The following MAP4K4 variants were observed in gnomAD, a reference collection of about 807,000 sequenced individuals.
MAP4K4 encodes the protein HPK/GCK-like kinase HGK.
Under a neutral mutation model 189.6 loss-of-function variants are expected in MAP4K4, and 38 were observed. That is an observed-to-expected ratio of 0.20 (90% confidence interval 0.15 to 0.26). The LOEUF (loss-of-function observed/expected upper bound fraction) is 0.26, where lower values mean the gene tolerates loss of function less well. MAP4K4 is among the 10% of genes least tolerant of loss of function. MAP4K4 has a pLI of 1.00. For synonymous variants in MAP4K4, 610 were observed against 624.3 expected (o/e 0.98, Z 0.34); for missense variants, 1,054 against 1,726.9 (o/e 0.61, Z 6.91).
chr2:101,881,511 T>G (rs2098389523), intron 27 of MAP4K4, among the ~76,000 whole-genome samples: 1 of 152,220 alleles, frequency 6.6e-6, no homozygotes, highest in South Asian at 2.1e-4. Context: ...CTTGTACCTT[T>G]TATTTCCCTT....
At chr2:101,872,178 T>TG (rs1355034140) in intron 24 of MAP4K4, among the ~76,000 whole-genome samples, 2 of 151,966 alleles carry the variant, frequency 1.3e-5, no homozygotes, top group Admixed American at 6.6e-5. Flanking sequence ...TTTTCTTGTT[T>TG]GGGGGGTGGG....
At chr2:101,817,860 C>T (rs1334508301) in intron 3 of MAP4K4, among the ~76,000 whole-genome samples, 8 of 151,686 alleles carry the variant, frequency 5.3e-5, no homozygotes, top group Non-Finnish European at 8.8e-5. Flanking sequence ...GTAATTTTTC[C>T]GTCAGTTTTT....
intron 2 of MAP4K4, among the ~76,000 whole-genome samples, chr2:101,744,273 T>G (rs2064151547): frequency 6.6e-6 from 1 of 152,236 alleles, no homozygotes; most frequent in African/African-American, 2.4e-5. Context: ...TTAGCCATAC[T>G]GCTATCACTT....
At chr2:101,844,009 T>G (rs1576627338) in intron 11 of MAP4K4, 92 bp from the exon 12 acceptor site, 1 of 794,996 alleles carries the variant, frequency 1.3e-6, no homozygotes, top group Non-Finnish European at 2.1e-6. Flanking sequence ...AGAGAATGAA[T>G]GTAGAAATGG....
intron 12 of MAP4K4, among the ~76,000 whole-genome samples, chr2:101,849,625 C>CTTTT (rs370459029): frequency 5.6e-5 from 8 of 143,450 alleles, no homozygotes; most frequent in African/African-American, 2.1e-4. Flanking sequence ...GTTTTGTGCT[C>CTTTT]TTTTTTTTTT....
rs1342444275 is a variant in MAP4K4, at chr2:101,887,177, T to C, written c.3711T>C (p.Ala1237=). ...TGAAAGTGATCTATGGATCCTGTGC[T>C]GGATTCCATGCTGTTGATGTGGATT... Residue 1237 remains alanine (A), a synonymous_variant, in exon 30 of 33, where the codon GCT becomes GCC. Coordinates refer to ENST00000324219, the Ensembl canonical transcript of MAP4K4. The C allele has an allele frequency of 3.1e-6, 5 of 1,612,490 alleles. No homozygotes were observed. The Admixed American group carries it at 5.0e-5, about 16-fold the overall frequency.
intron 2 of MAP4K4, among the ~76,000 whole-genome samples, chr2:101,703,780 G>C (rs1354666630): frequency 1.8e-4 from 28 of 151,928 alleles, no homozygotes; most frequent in Non-Finnish European, 7.4e-5. Flanking sequence ...TTGGGAGGCC[G>C]AGGCGGGTGG....
At chr2:101,745,919 G>C (rs991462554) in intron 2 of MAP4K4, among the ~76,000 whole-genome samples, 1 of 150,494 alleles carries the variant, frequency 6.6e-6, no homozygotes, top group Non-Finnish European at 1.5e-5. Flanking sequence ...CTCTGCCGTG[G>C]TTGATATCTG....
intron 2 of MAP4K4, among the ~76,000 whole-genome samples, chr2:101,775,916 A>C (rs1290864650): frequency 6.6e-6 from 1 of 152,202 alleles, no homozygotes; most frequent in African/African-American, 2.4e-5. Flanking sequence ...GGTGTCTGCT[A>C]CTTGGGCTTC....
chr2:101,784,421 C>G (rs939854935), intron 2 of MAP4K4, among the ~76,000 whole-genome samples: 2 of 152,060 alleles, frequency 1.3e-5, no homozygotes, highest in Non-Finnish European at 2.9e-5. Flanking sequence ...CTTCAGGTTA[C>G]TGAGATGTGC....
At chr2:101,846,233 A>T (rs1043155599) in intron 12 of MAP4K4, among the ~76,000 whole-genome samples, 1 of 152,222 alleles carries the variant, frequency 6.6e-6, no homozygotes, top group Non-Finnish European at 1.5e-5. Flanking sequence ...TTTGAACGTA[A>T]TAAATCTTGA....
chr2:101,728,769 G>A lies in MAP4K4; in HGVS notation c.123+30231G>A, dbSNP rs116315740. Among the ~76,000 whole-genome samples the A allele has an allele frequency of 8.3e-3, 1,260 of 152,208 alleles. 17 individuals are homozygous for A. Among genetic ancestry groups the A allele is most frequent in the African/African-American group, 0.029 (1,204 of 41,540 alleles). On this transcript the variant is annotated intron_variant, in intron 2 of 32. Transcript: ENST00000324219. ...CCTGACCTCAAGTGATCCACCCACC[G>A]CTGCTTCCCAAAGTGCTGGGATTAC...
At chr2:101,871,317 G>T (rs961259610) in intron 23 of MAP4K4, among the ~76,000 whole-genome samples, 177 bp from the exon 24 acceptor site, 9 of 152,162 alleles carry the variant, frequency 5.9e-5, no homozygotes, top group Non-Finnish European at 1.3e-4. Flanking sequence ...GAATTCTGTT[G>T]GCACAAGTTA....
intron 2 of MAP4K4, among the ~76,000 whole-genome samples, chr2:101,700,741 A>G (rs2037989006): frequency 2.0e-5 from 3 of 150,486 alleles, no homozygotes; most frequent in South Asian, 4.2e-4. Context: ...TATATTCACT[A>G]TTAACGTTTT....
At chr2:101,824,115 C>CG (rs1191941902) in intron 4 of MAP4K4, 62 bp downstream of exon 4, 3 of 40,836 alleles carry the variant, frequency 7.3e-5, no homozygotes, top group Non-Finnish European at 1.5e-4. Context: ...AAGGGCATGG[C>CG]GGGGGTGGGG....
chr2:101,862,003 G>A (rs563949533), intron 16 of MAP4K4: 2 of 152,016 alleles, frequency 1.3e-5, no homozygotes, highest in East Asian at 3.9e-4. Flanking sequence ...GGGAGGCCGA[G>A]GCAGGCAGAT....
intron 27 of MAP4K4, among the ~76,000 whole-genome samples, chr2:101,877,539 GA>G (rs2098240771): frequency 6.7e-6 from 1 of 148,344 alleles, no homozygotes; most frequent in Non-Finnish European, 1.5e-5. Context: ...GCAGTGGCGC[GA>G]TCTTGGCTCA....
chr2:101,883,823 T>C (rs1329119002), intron 28 of MAP4K4, among the ~76,000 whole-genome samples: 1 of 152,174 alleles, frequency 6.6e-6, no homozygotes, highest in Admixed American at 6.5e-5. Context: ...GCTCGTGGGT[T>C]AATGGTGATT....
At chr2:101,876,197 G>A (rs1410614323) in intron 26 of MAP4K4, among the ~76,000 whole-genome samples, 4 of 152,258 alleles carry the variant, frequency 2.6e-5, no homozygotes, top group African/African-American at 9.6e-5. Context: ...GAAAGCAGGA[G>A]GCAAAGTAGC....
Sources: allele counts gnomAD v4.1 joint callset (sites outside exome capture counted in the v4.1 genomes callset), GRCh38; gene constraint gnomAD v4.1.1; transcripts MANE v1.5; gene names NCBI Gene and HGNC (gene_info 2026-07-23, HGNC 2026-07-21).